Variants in SCAPER observed in about 807,000 individuals in gnomAD.
SCAPER encodes the protein S-phase cyclin A associated protein in the ER, also known as S phase cyclin A-associated protein in the endoplasmic reticulum.
A neutral mutation model predicts 182.2 loss-of-function variants in SCAPER; 98 were observed. That is an observed-to-expected ratio of 0.54 (90% CI 0.46 to 0.64). The LOEUF (loss-of-function observed/expected upper bound fraction) is 0.64. SCAPER is among the 30% of genes least tolerant of loss of function. The pLI, the probability that SCAPER is intolerant of heterozygous loss-of-function variation, is 0.00. For synonymous variants in SCAPER, 605 were observed against 564.6 expected (o/e 1.07, Z -1.01); for missense variants, 1,432 against 1,690.0 (o/e 0.85, Z 2.68).
intron 25 of SCAPER, among the ~76,000 whole-genome samples, chr15:76,467,169 G>C (rs1048235802): frequency 6.6e-6 from 1 of 152,162 alleles, no homozygotes; most frequent in Non-Finnish European, 1.5e-5. Context: ...AGAACTGTGA[G>C]TCAATTAAAC....
At chr15:76,558,575 G>A (rs2046359100) in intron 23 of SCAPER, among the ~76,000 whole-genome samples, 1 of 152,168 alleles carries the variant, frequency 6.6e-6, no homozygotes, top group Admixed American at 6.5e-5. Context: ...TACTGTTGGT[G>A]GGAAAGTAAG....
At chr15:76,564,234 T>C (rs980118375) in intron 23 of SCAPER, among the ~76,000 whole-genome samples, 1 of 152,158 alleles carries the variant, frequency 6.6e-6, no homozygotes, top group Non-Finnish European at 1.5e-5. Context: ...CTATCCTTGT[T>C]TGCAGATGAC....
At chr15:76,497,124 T>TTTTTTTTTCC (rs1555456895) in intron 24 of SCAPER, among the ~76,000 whole-genome samples, 1 of 139,490 alleles carries the variant, frequency 7.2e-6, no homozygotes, top group African/African-American at 2.8e-5. Flanking sequence ...TTTTTTTTTT[T>TTTTTTTTTCC]CCCAAAACGG....
chr15:76,799,950 T>C (rs1254306575), intron 7 of SCAPER, among the ~76,000 whole-genome samples: 1 of 151,834 alleles, frequency 6.6e-6, no homozygotes, highest in Non-Finnish European at 1.5e-5. Context: ...AACATTGCTT[T>C]ACCTAACTTG....
chr15:76,695,073 C>T (rs919559812), intron 20 of SCAPER, among the ~76,000 whole-genome samples: 9 of 152,076 alleles, frequency 5.9e-5, no homozygotes, highest in Non-Finnish European at 1.5e-5. Context: ...CAAATTAAAA[C>T]TGCAAATTAG....
intron 17 of SCAPER, among the ~76,000 whole-genome samples, chr15:76,728,343 T>A (rs1476631140): frequency 6.6e-6 from 1 of 151,972 alleles, no homozygotes; most frequent in Non-Finnish European, 1.5e-5. Context: ...TCCCCAAAAG[T>A]CTCTTTTGCT....
intron 2 of SCAPER, among the ~76,000 whole-genome samples, chr15:76,883,294 G>A (rs1019293356): frequency 6.6e-6 from 1 of 152,188 alleles, no homozygotes; most frequent in Admixed American, 6.5e-5. Context: ...TCCTCAATTT[G>A]AGTAGTTTAA....
intron 21 of SCAPER, among the ~76,000 whole-genome samples, chr15:76,623,308 A>G (rs2052268161): frequency 6.6e-6 from 1 of 152,152 alleles, no homozygotes; most frequent in Non-Finnish European, 1.5e-5. Context: ...CTTAGTCATA[A>G]ATTCATTGCC....
In SCAPER at chr15:76,511,841, ATATG is replaced by A. The variant is rs1323159961; in HGVS notation, c.2839-6871_2839-6868del. 9.3e-3 allele frequency among the ~76,000 whole-genome samples: 972 copies of A among 104,796 alleles called. 10 individuals carry two copies. The highest frequency in any genetic ancestry group is 0.033 in the African/African-American group (923 of 27,628). The allele number at this position is 104,796 out of a possible 152,430, so 68.8% of individuals were successfully genotyped here. On this transcript the variant is annotated intron_variant, in intron 23 of 31. Coordinates refer to ENST00000563290, the MANE Select transcript of SCAPER (RefSeq NM_020843.4). ...AAAGATACACTTATTATATATATAT[ATATG>A]TGTGTGTGTGTGTGTGTGTGTGTGT...
chr15:76,689,181 A>G (rs1461436260), intron 20 of SCAPER, among the ~76,000 whole-genome samples: 1 of 152,170 alleles, frequency 6.6e-6, no homozygotes, highest in Non-Finnish European at 1.5e-5. Flanking sequence ...AAAAAAAATG[A>G]AAATCAAACT....
At position 76,795,443 on chromosome 15, in the gene SCAPER, A is replaced by G. The variant is rs371166831; in HGVS notation, c.612-3T>C. ...CTGGCACTGTGCCAGTTGAACCTCTATGGAGAAAAATAAACACATTTAATA... is the reference window on the plus strand; with the variant it reads ...CTGGCACTGTGCCAGTTGAACCTCTGTGGAGAAAAATAAACACATTTAATA... On this transcript the variant is annotated splice_polypyrimidine_tract_variant and splice_region_variant and intron_variant, in intron 7 of 31. Coordinates refer to ENST00000563290, the MANE Select transcript of SCAPER (RefSeq NM_020843.4). 4 of 1,552,042 alleles carry G rather than the reference A, an allele frequency of 2.6e-6. No individual in the cohort carries two copies. In the African/African-American group the frequency reaches 5.5e-5, roughly 21 times the overall value.
At chr15:76,473,776 G>T (rs1157629613) in intron 24 of SCAPER, among the ~76,000 whole-genome samples, 3 of 151,996 alleles carry the variant, frequency 2.0e-5, no homozygotes, top group Non-Finnish European at 4.4e-5. Context: ...TAAGCATTAG[G>T]ATCACCTGTA....
intron 15 of SCAPER, among the ~76,000 whole-genome samples, chr15:76,740,650 C>G (rs1421652656): frequency 6.6e-6 from 1 of 151,916 alleles, no homozygotes; most frequent in Non-Finnish European, 1.5e-5. Context: ...TGCCACAGGC[C>G]TAAAATATGT....
At chr15:76,387,542 A>C (rs1175993860) in intron 27 of SCAPER, among the ~76,000 whole-genome samples, 1 of 152,218 alleles carries the variant, frequency 6.6e-6, no homozygotes, top group African/African-American at 2.4e-5. Context: ...TAAAACTAGA[A>C]ACTTATTCTA....
rs766013538 is a variant in SCAPER at position 76,765,411 on chromosome 15, T to C, written c.1539A>G (p.Val513=). The change falls in exon 13 of 32, where the codon GTA becomes GTG. Residue 513 remains valine (V), a synonymous_variant. Coordinates refer to ENST00000563290, the MANE Select transcript of SCAPER (RefSeq NM_020843.4). ...WRQNTSWGDI[V]EEEPARPPGH... Reference sequence around the variant, plus strand: ...CTGGAGGTCTAGCAGGTTCTTCTTCTACAATGTCCCCCCAGGATGTATTTT... The same window carrying C: ...CTGGAGGTCTAGCAGGTTCTTCTTCCACAATGTCCCCCCAGGATGTATTTT... 8.1e-6 allele frequency: 13 copies of C among 1,613,896 alleles called. No individual in the cohort carries two copies. The highest frequency in any genetic ancestry group is 8.0e-5 in the African/African-American group (6 of 74,946).
At chr15:76,802,530 A>G (rs2151518259) in intron 6 of SCAPER, among the ~76,000 whole-genome samples, 1 of 152,338 alleles carries the variant, frequency 6.6e-6, no homozygotes, top group Non-Finnish European at 1.5e-5. Flanking sequence ...TGGATGAAGT[A>G]GGCACTGAAA....
At chr15:76,684,763 A>T (rs1404584297) in intron 20 of SCAPER, among the ~76,000 whole-genome samples, 1 of 151,924 alleles carries the variant, frequency 6.6e-6, no homozygotes, top group Non-Finnish European at 1.5e-5. Flanking sequence ...TAATAATACT[A>T]AAGGTTGTTT....
chr15:76,387,168 AT>A (rs2043345862), intron 27 of SCAPER, among the ~76,000 whole-genome samples: 2 of 152,220 alleles, frequency 1.3e-5, no homozygotes. Context: ...AAATGGCTCA[AT>A]GCTCTTTGCT....
In SCAPER at chr15:76,448,535, T is replaced by C. The variant is rs530733797; in HGVS notation, c.3079-14225A>G. Among the ~76,000 whole-genome samples, 54 of 152,096 alleles carry C rather than the reference T, an allele frequency of 3.6e-4. 1 individual carries two copies. The highest frequency in any genetic ancestry group is 1.2e-3 in the African/African-American group (49 of 41,456). On this transcript the variant is annotated intron_variant, in intron 25 of 31. Coordinates refer to ENST00000563290, the MANE Select transcript of SCAPER (RefSeq NM_020843.4). ...ATGCTGACTTGGGACCATCGGTGTA[T>C]GAGAAAACAGCTGAAACAAACGGCA...
Sources: allele counts gnomAD v4.1 joint callset (sites outside exome capture counted in the v4.1 genomes callset), GRCh38; gene constraint gnomAD v4.1.1; transcripts MANE v1.5; gene names NCBI Gene and HGNC (gene_info 2026-07-23, HGNC 2026-07-21).